Variants in SH3BGRL2 observed in about 807,000 individuals in gnomAD.
SH3BGRL2 encodes SH3 domain binding glutamate rich protein like 2.
Under a neutral mutation model 14.8 loss-of-function variants are expected in SH3BGRL2, and 21 were observed. The ratio of observed to expected loss-of-function variants is 1.42; its 90% CI spans 1.01 to 2.05. SH3BGRL2 has a LOEUF of 2.05. SH3BGRL2 is among the 30% of genes most tolerant of loss of function. The pLI is 0.00. For missense variants in SH3BGRL2, 147 were observed against 130.8 expected (o/e 1.12, Z -0.61); for synonymous variants, 50 against 47.8 (o/e 1.05, Z -0.19).
chr6:79,577,575 CATTAAAA>C, the SH3BGRL2 span, among the ~76,000 whole-genome samples: 1 of 151,986 alleles, frequency 6.6e-6, no homozygotes, highest in Middle Eastern at 3.2e-3. Context: ...GGTAAAGTGA[CATTAAAA>C]ATTAAAAATG....
intron 1 of SH3BGRL2, among the ~76,000 whole-genome samples, chr6:79,634,311 A>G (rs554592578): frequency 2.0e-5 from 3 of 152,198 alleles, no homozygotes; most frequent in Non-Finnish European, 4.4e-5. Context: ...AACAAAAGCA[A>G]TGCCACATTA....
the SH3BGRL2 span, among the ~76,000 whole-genome samples, chr6:79,606,671 T>C: frequency 6.6e-6 from 1 of 152,248 alleles, no homozygotes; most frequent in South Asian, 2.1e-4. Flanking sequence ...ATTTTTGTCA[T>C]GTAAACTCAG....
the SH3BGRL2 span, chr6:79,553,021 T>C: frequency 6.6e-6 from 1 of 152,180 alleles, no homozygotes; most frequent in Non-Finnish European, 1.5e-5. Flanking sequence ...TTAATTGTGA[T>C]TGCAGTAGAT....
At chr6:79,613,020 G>T in the SH3BGRL2 span, among the ~76,000 whole-genome samples, 18,423 of 152,162 alleles carry the variant, frequency 0.12, 1,892 homozygotes, top group East Asian at 0.57. Flanking sequence ...GTGGAAGGAG[G>T]CTTTCCCCAG....
the SH3BGRL2 span, among the ~76,000 whole-genome samples, chr6:79,614,939 T>C: frequency 2.0e-5 from 3 of 152,252 alleles, no homozygotes; most frequent in African/African-American, 4.8e-5. Flanking sequence ...AGCTGTGGAA[T>C]TGGCCCAAGG....
the SH3BGRL2 span, among the ~76,000 whole-genome samples, chr6:79,581,586 A>G: frequency 6.6e-6 from 1 of 152,136 alleles, no homozygotes; most frequent in Non-Finnish European, 1.5e-5. Flanking sequence ...ACAAAATTCA[A>G]CAGCGCTTCA....
At chr6:79,683,128 T>C (rs940087626) in intron 2 of SH3BGRL2, among the ~76,000 whole-genome samples, 4 of 152,096 alleles carry the variant, frequency 2.6e-5, no homozygotes, top group Admixed American at 2.0e-4. Flanking sequence ...AGCAAACCAA[T>C]ATGGTACATG....
At chr6:79,604,784 C>T in the SH3BGRL2 span, among the ~76,000 whole-genome samples, 2 of 152,130 alleles carry the variant, frequency 1.3e-5, no homozygotes, top group Non-Finnish European at 2.9e-5. Flanking sequence ...CATGGGGAAC[C>T]GCATCCCACT....
the SH3BGRL2 span, among the ~76,000 whole-genome samples, chr6:79,552,216 G>A: frequency 0.5 from 75,942 of 152,062 alleles, 20,122 homozygotes; most frequent in East Asian, 0.79. Flanking sequence ...CTCTTGTCCA[G>A]TCAAAGCTGT....
chr6:79,575,627 TA>T, the SH3BGRL2 span: 4 of 152,104 alleles, frequency 2.6e-5, no homozygotes, highest in Non-Finnish European at 4.4e-5. Context: ...ACCCTTCAAA[TA>T]TTTTTTTTTT....
At chr6:79,568,354 CTG>C in the SH3BGRL2 span, among the ~76,000 whole-genome samples, 5 of 152,124 alleles carry the variant, frequency 3.3e-5, no homozygotes, top group Admixed American at 2.6e-4. Flanking sequence ...GAGAAATAAA[CTG>C]TGGTATATTT....
At chr6:79,616,914 G>A in the SH3BGRL2 span, among the ~76,000 whole-genome samples, 7 of 152,214 alleles carry the variant, frequency 4.6e-5, no homozygotes, top group African/African-American at 1.4e-4. Flanking sequence ...AGGGCTGGGT[G>A]CAGTGGCTCA....
the SH3BGRL2 span, among the ~76,000 whole-genome samples, chr6:79,549,544 A>G: frequency 2.0e-4 from 30 of 152,300 alleles, no homozygotes; most frequent in East Asian, 1.2e-3. Flanking sequence ...CTGTGTTACA[A>G]TTGCCTACAG....
the SH3BGRL2 span, among the ~76,000 whole-genome samples, chr6:79,545,570 C>T: frequency 1.3e-5 from 2 of 152,114 alleles, no homozygotes; most frequent in Non-Finnish European, 2.9e-5. Flanking sequence ...AAATGAGATT[C>T]CAACAGAAAA....
At chr6:79,570,875 A>G in the SH3BGRL2 span, among the ~76,000 whole-genome samples, 5 of 152,212 alleles carry the variant, frequency 3.3e-5, no homozygotes, top group African/African-American at 1.2e-4. Context: ...TGCTTTACAT[A>G]TTGCTATCAT....
the SH3BGRL2 span, among the ~76,000 whole-genome samples, chr6:79,619,220 A>G: frequency 3.3e-5 from 5 of 151,798 alleles, no homozygotes; most frequent in African/African-American, 1.2e-4. Context: ...TAGGTAACCA[A>G]TTATTTTGTC....
chr6:79,616,692 G>A, the SH3BGRL2 span, among the ~76,000 whole-genome samples: 5 of 152,294 alleles, frequency 3.3e-5, no homozygotes, highest in Admixed American at 6.5e-5. Context: ...TCCAGAGTCT[G>A]CACTCACTGT....
intron 1 of SH3BGRL2, among the ~76,000 whole-genome samples, chr6:79,642,723 G>T (rs994119019): frequency 5.9e-5 from 9 of 152,190 alleles, no homozygotes; most frequent in Non-Finnish European, 1.2e-4. Flanking sequence ...CCGGGAAAAG[G>T]AATATGAAAC....
intron 2 of SH3BGRL2, 136 bp downstream of exon 2, chr6:79,673,935 A>C (rs1476624532): frequency 5.6e-6 from 5 of 889,684 alleles, no homozygotes; most frequent in Non-Finnish European, 8.5e-6. Context: ...TGTCTAACAG[A>C]GGGTGAAGTT....
Sources: allele counts gnomAD v4.1 joint callset (sites outside exome capture counted in the v4.1 genomes callset), GRCh38; gene constraint gnomAD v4.1.1; transcripts MANE v1.5; gene names NCBI Gene and HGNC (gene_info 2026-07-23, HGNC 2026-07-21).